The following SLC38A1 variants were observed in gnomAD, a reference collection of about 807,000 sequenced individuals.
SLC38A1 encodes sodium-coupled neutral amino acid symporter 1.
A neutral mutation model predicts 60.3 loss-of-function variants in SLC38A1; 18 were observed. The observed-to-expected ratio is 0.30, with a 90% CI of 0.21 to 0.44. SLC38A1 has a LOEUF of 0.44. Ranked by LOEUF, SLC38A1 falls within the 20% of genes least tolerant of loss-of-function variation. The pLI is 1.00. For synonymous variants in SLC38A1, 196 were observed against 212.1 expected (o/e 0.92, Z 0.66); for missense variants, 448 against 587.2 (o/e 0.76, Z 2.45).
rs764277138 is a variant in SLC38A1 at position 46,188,966 on chromosome 12, G to T, written c.*4C>A. On this transcript the variant is annotated 3_prime_UTR_variant, in exon 17 of 17. Transcript: ENST00000398637. ...ACAGGGATGTTTCTTTTTCTCGGCG[G>T]GTTTCAGTGGCCTTCGTCACTACTC... 1 of 1,611,838 alleles carries T rather than the reference G, an allele frequency of 6.2e-7. No homozygotes were observed. The highest frequency in any genetic ancestry group is 2.2e-5 in the East Asian group (1 of 44,838).
intron 3 of SLC38A1, among the ~76,000 whole-genome samples, chr12:46,232,016 T>G (rs993985204): frequency 6.6e-6 from 1 of 152,258 alleles, no homozygotes; most frequent in African/African-American, 2.4e-5. Context: ...GTTTTTCATC[T>G]TTATCCAAGG....
intron 3 of SLC38A1, among the ~76,000 whole-genome samples, chr12:46,238,889 A>G (rs182275516): frequency 2.6e-4 from 40 of 152,256 alleles, no homozygotes; most frequent in African/African-American, 8.7e-4. Context: ...TCACAGAGTC[A>G]TTTGGGCTCA....
At chr12:46,207,328 T>A in intron 7 of SLC38A1, 92 bp from the exon 8 acceptor site, 8 of 1,198,466 alleles carry the variant, frequency 6.7e-6, no homozygotes, top group Non-Finnish European at 9.6e-6. Flanking sequence ...TTAGACCAAC[T>A]GTCAGTAAGA....
chr12:46,204,627 T>C (rs752520418), intron 9 of SLC38A1, 37 bp from the exon 10 acceptor site: 1 of 1,538,588 alleles, frequency 6.5e-7, no homozygotes, highest in East Asian at 2.3e-5. Context: ...ATTTCATTTT[T>C]TTCCATTTTT....
chr12:46,249,431 G>T lies in SLC38A1; in HGVS notation c.-208-6117C>A, dbSNP rs189851588. 5.3e-4 allele frequency among the ~76,000 whole-genome samples: 80 copies of T among 152,178 alleles called. 2 individuals are homozygous for T. The East Asian group carries it at 7.5e-3, about 14-fold the overall frequency. On this transcript the variant is annotated intron_variant, in intron 1 of 16. Transcript: ENST00000398637. Reference sequence around the variant, plus strand: ...TAACATCACAATTAGAGGAACTAGAGAAGCAAAAGCAAACAAATTCAAAAG... The same window carrying T: ...TAACATCACAATTAGAGGAACTAGATAAGCAAAAGCAAACAAATTCAAAAG...
rs1472174288 is a variant in SLC38A1, at chr12:46,268,872, T to G, written c.-555A>C. 2.2e-6 allele frequency: 1 copy of G among 455,840 alleles called. No homozygotes were observed. Among genetic ancestry groups the G allele is most frequent in the Non-Finnish European group, 4.4e-6 (1 of 226,406 alleles). 28.2% of individuals were successfully genotyped at this position (455,840 alleles called of 1,614,324 possible). On this transcript the variant is annotated 5_prime_UTR_variant, in exon 1 of 17. It removes an upstream start codon present in the reference 5' UTR. Coordinates refer to ENST00000398637, the MANE Select transcript of SLC38A1 (RefSeq NM_030674.4). This position sits in a 1 kb window ranked among gnomAD's most constrained non-coding sequence, Gnocchi z 4.4. ...CGCCGGCCTCGCACTTACATCGACA[T>G]GCACCGGCGCTGAGGGTCACGAATC...
chr12:46,222,243 C>CT lies in SLC38A1; in HGVS notation c.314+6909dup, dbSNP rs34181818. Among the ~76,000 whole-genome samples, 134 of 149,274 alleles carry CT rather than the reference C, an allele frequency of 9.0e-4. No individual in the cohort carries two copies. The East Asian group carries it at 0.017, about 19-fold the overall frequency. ...TCAAAAAACCAATTTTTTCAACTAG[C>CT]TTTTTTTTTTCCTCTAAAAGCAGGT... On this transcript the variant is annotated intron_variant, in intron 5 of 16. Transcript: ENST00000398637.
intron 16 of SLC38A1, among the ~76,000 whole-genome samples, chr12:46,194,114 T>C (rs1939263340): frequency 6.6e-6 from 1 of 152,240 alleles, no homozygotes; most frequent in Non-Finnish European, 1.5e-5. Context: ...CAGGAGCTTT[T>C]GTAAGGCGAG....
intron 1 of SLC38A1, among the ~76,000 whole-genome samples, chr12:46,265,445 G>A (rs991999812): frequency 2.6e-5 from 4 of 152,316 alleles, no homozygotes; most frequent in African/African-American, 7.2e-5. Context: ...GCCATCACAA[G>A]TACACAGGAT....
chr12:46,259,429 T>A (rs1942131919), intron 1 of SLC38A1, among the ~76,000 whole-genome samples: 1 of 152,218 alleles, frequency 6.6e-6, no homozygotes, highest in Non-Finnish European at 1.5e-5. Context: ...TAATCCTAAA[T>A]TTGATTGGCA....
chr12:46,262,377 TA>T (rs143810110), intron 1 of SLC38A1, among the ~76,000 whole-genome samples: 333 of 148,688 alleles, frequency 2.2e-3, no homozygotes, highest in South Asian at 0.014. Context: ...ATATTACATT[TA>T]AAAAAAAAAC....
chr12:46,217,401 T>C (rs1282917032), intron 5 of SLC38A1, among the ~76,000 whole-genome samples: 10 of 152,234 alleles, frequency 6.6e-5, no homozygotes, highest in Admixed American at 6.5e-4. Flanking sequence ...ATGGAGCTTG[T>C]CTAAGGTGAG....
intron 5 of SLC38A1, among the ~76,000 whole-genome samples, chr12:46,211,369 T>G (rs1415620422): frequency 1.3e-5 from 2 of 152,200 alleles, no homozygotes; most frequent in Non-Finnish European, 2.9e-5. Context: ...AGTATGACCT[T>G]GTAGGAACTA....
At chr12:46,230,145 T>C (rs1370842316) in intron 3 of SLC38A1, among the ~76,000 whole-genome samples, 1 of 152,236 alleles carries the variant, frequency 6.6e-6, no homozygotes. Flanking sequence ...GCTCAGGTTC[T>C]TGGACTACAA....
intron 1 of SLC38A1, among the ~76,000 whole-genome samples, chr12:46,253,994 A>G (rs1268336375): frequency 1.3e-5 from 2 of 152,254 alleles, no homozygotes; most frequent in Admixed American, 6.5e-5. Context: ...TAAGTGTTCA[A>G]TTTAAGAAAA....
chr12:46,211,172 C>T (rs1438808616), intron 5 of SLC38A1, among the ~76,000 whole-genome samples: 1 of 152,168 alleles, frequency 6.6e-6, no homozygotes, highest in Admixed American at 6.5e-5. Flanking sequence ...GCCACTTCTA[C>T]ACGAACATGT....
chr12:46,225,790 G>A (rs1240345292), intron 5 of SLC38A1, among the ~76,000 whole-genome samples: 2 of 152,168 alleles, frequency 1.3e-5, no homozygotes, highest in African/African-American at 4.8e-5. Context: ...AGAGTCTAAG[G>A]TGAAAGACCC....
rs568106255 is a variant in SLC38A1 at position 46,214,684 on chromosome 12, C to CA, written c.315-5558dup. Among the ~76,000 whole-genome samples the CA allele has an allele frequency of 5.7e-4, 86 of 152,028 alleles. No homozygotes were observed. In the East Asian group the frequency reaches 0.013, roughly 24 times the overall value. On this transcript the variant is annotated intron_variant, in intron 5 of 16. Transcript: ENST00000398637. ...TAAAGTATACCCCAAAACAAACAAA[C>CA]AAAAAAACAACCAACAAACAAAAAC...
chr12:46,203,769 A>G (rs1046868660), intron 11 of SLC38A1, among the ~76,000 whole-genome samples: 1 of 152,228 alleles, frequency 6.6e-6, no homozygotes, highest in African/African-American at 2.4e-5. Context: ...ACATTCTAAC[A>G]AAACCTTGTA....
Sources: allele counts gnomAD v4.1 joint callset (sites outside exome capture counted in the v4.1 genomes callset), GRCh38; gene constraint gnomAD v4.1.1; non-coding constraint Gnocchi (gnomAD v3.1); transcripts MANE v1.5; gene names NCBI Gene and HGNC (gene_info 2026-07-23, HGNC 2026-07-21).